The following NAALADL2 variants were observed in gnomAD, a reference collection of about 807,000 sequenced individuals.
The protein encoded by NAALADL2 is N-acetylated alpha-linked acidic dipeptidase like 2, also known as inactive N-acetylated-alpha-linked acidic dipeptidase-like protein 2.
Under a neutral mutation model 87.2 loss-of-function variants are expected in NAALADL2, and 76 were observed. The ratio of observed to expected loss-of-function variants is 0.87; its 90% CI spans 0.72 to 1.05. The LOEUF is 1.05. Ranked by LOEUF, NAALADL2 falls within the 50% of genes least tolerant of loss-of-function variation. The pLI is 0.00. For missense variants in NAALADL2, 1,089 were observed against 945.8 expected (o/e 1.15, Z -1.99); for synonymous variants, 354 against 331.0 (o/e 1.07, Z -0.75).
intron 1 of NAALADL2, among the ~76,000 whole-genome samples, chr3:175,011,688 CAAG>C (rs1175532085): frequency 6.6e-6 from 1 of 152,096 alleles, no homozygotes; most frequent in Admixed American, 6.6e-5. Flanking sequence ...TAGTTGTAGA[CAAG>C]AAGGTCCTAA....
intron 2 of NAALADL2, among the ~76,000 whole-genome samples, chr3:174,584,972 T>C (rs557075306): frequency 6.6e-6 from 1 of 152,308 alleles, no homozygotes; most frequent in South Asian, 2.1e-4. Context: ...CAGTCAGACA[T>C]GATAATGTAT....
At chr3:174,986,312 A>AAT (rs949679427) in intron 1 of NAALADL2, among the ~76,000 whole-genome samples, 11 of 148,090 alleles carry the variant, frequency 7.4e-5, no homozygotes, top group South Asian at 4.2e-4. Flanking sequence ...ATATATACAC[A>AAT]ATATATATAT....
chr3:175,314,809 T>C (rs1758930322), intron 4 of NAALADL2, among the ~76,000 whole-genome samples: 2 of 148,158 alleles, frequency 1.3e-5, no homozygotes, highest in Non-Finnish European at 3.0e-5. Flanking sequence ...ATCCATGTAA[T>C]ACACTTGTAC....
intron 3 of NAALADL2, among the ~76,000 whole-genome samples, chr3:174,839,389 C>G (rs557408339): frequency 1.3e-5 from 2 of 152,084 alleles, no homozygotes; most frequent in Non-Finnish European, 1.5e-5. Flanking sequence ...ACTATAAACA[C>G]TCTAGAAGAA....
At chr3:175,238,766 T>C (rs1195968563) in intron 3 of NAALADL2, among the ~76,000 whole-genome samples, 2 of 152,224 alleles carry the variant, frequency 1.3e-5, no homozygotes, top group Non-Finnish European at 2.9e-5. Context: ...AATCATTCCC[T>C]AATTCAAATC....
intron 5 of NAALADL2, among the ~76,000 whole-genome samples, chr3:175,404,700 G>A (rs1320710632): frequency 1.3e-5 from 2 of 152,066 alleles, no homozygotes; most frequent in African/African-American, 4.8e-5. Flanking sequence ...CCCTGCTTTT[G>A]TAAACTGCTG....
intron 5 of NAALADL2, among the ~76,000 whole-genome samples, chr3:175,445,514 G>A (rs909372367): frequency 2.0e-5 from 3 of 152,022 alleles, no homozygotes; most frequent in African/African-American, 7.2e-5. Flanking sequence ...ATGTGTTGGA[G>A]TTTGTTTTTC....
chr3:175,512,908 T>A lies in NAALADL2; in HGVS notation c.1653+41150T>A, dbSNP rs541564869. Reference sequence around the variant, plus strand: ...CATTCTTTCAAATTCAGAGTTGAGCTGCTATTGTCTAGTTTTCAGAGAGTT... The same window carrying A: ...CATTCTTTCAAATTCAGAGTTGAGCAGCTATTGTCTAGTTTTCAGAGAGTT... On this transcript the variant is annotated intron_variant, in intron 9 of 13. Coordinates refer to ENST00000454872, the MANE Select transcript of NAALADL2 (RefSeq NM_207015.3). Among the ~76,000 whole-genome samples the A allele has an allele frequency of 2.0e-5, 3 of 152,340 alleles. No individual in the cohort carries two copies. The South Asian group carries it at 6.2e-4, about 32-fold the overall frequency.
chr3:174,593,232 A>G (rs1453126788), intron 2 of NAALADL2, among the ~76,000 whole-genome samples: 1 of 152,188 alleles, frequency 6.6e-6, no homozygotes, highest in African/African-American at 2.4e-5. Flanking sequence ...TACTATCAGC[A>G]TAAACTGTGT....
rs1755049730 is a variant in NAALADL2 at position 175,810,039 on chromosome 3, G to T, written c.*6836G>T. 1 of 152,000 alleles carries T rather than the reference G, an allele frequency of 6.6e-6. No individual in the cohort carries two copies. The highest frequency in any genetic ancestry group is 2.4e-5 in the African/African-American group (1 of 41,410). 9.4% of individuals were successfully genotyped at this position (152,000 alleles called of 1,614,324 possible). ...TGTGGTGTTTAGCCTTGTTCAAAAT[G>T]ATTTGATTATCATCTGGATTCAGAA... On this transcript the variant is annotated 3_prime_UTR_variant, in exon 14 of 14. Transcript: ENST00000454872.
chr3:175,268,298 C>T (rs995666401), intron 4 of NAALADL2, among the ~76,000 whole-genome samples: 9 of 152,160 alleles, frequency 5.9e-5, no homozygotes, highest in African/African-American at 2.2e-4. Context: ...CTAAACATCT[C>T]TAAACATAGA....
intron 2 of NAALADL2, among the ~76,000 whole-genome samples, chr3:175,167,815 TG>T (rs1734207451): frequency 6.6e-6 from 1 of 152,088 alleles, no homozygotes; most frequent in Non-Finnish European, 1.5e-5. Flanking sequence ...TTGCCCAAAG[TG>T]GAGCCTCCTT....
chr3:175,804,201 A>G lies in NAALADL2; in HGVS notation c.*998A>G, dbSNP rs1754502605. On this transcript the variant is annotated 3_prime_UTR_variant, in exon 14 of 14. Transcript: ENST00000454872. ...AATTTCTATTTCTGCCTCTGACAAA[A>G]AGAACTTACTATGAAAGAAATAGTT... The G allele has an allele frequency of 6.6e-6, 1 of 151,620 alleles. No homozygotes were observed. Among genetic ancestry groups the G allele is most frequent in the South Asian group, 2.1e-4 (1 of 4,810 alleles). 9.4% of individuals were successfully genotyped at this position (151,620 alleles called of 1,614,324 possible). A position where few individuals can be genotyped will look rare whatever the true frequency, so the allele number is the denominator to read the frequency against.
At chr3:174,717,892 G>A (rs922669098) in intron 2 of NAALADL2, among the ~76,000 whole-genome samples, 5 of 152,118 alleles carry the variant, frequency 3.3e-5, no homozygotes, top group Non-Finnish European at 7.4e-5. Flanking sequence ...TTGGGAGGCT[G>A]AGGCGGGCAG....
At chr3:174,854,835 C>CTTTTTTT (rs68116968), upstream of NAALADL2, among the ~76,000 whole-genome samples, 62 of 111,966 alleles carry the variant, frequency 5.5e-4, no homozygotes, top group East Asian at 7.8e-4. Flanking sequence ...GCTTTTTTTT[C>CTTTTTTT]TTTTTTTTTT....
intron 11 of NAALADL2, among the ~76,000 whole-genome samples, chr3:175,707,277 G>A (rs1235125610): frequency 2.0e-5 from 3 of 152,068 alleles, no homozygotes; most frequent in Admixed American, 2.0e-4. Context: ...AGACATAGCT[G>A]TATTCCAATA....
At chr3:175,108,213 CT>C (rs1447727563) in intron 2 of NAALADL2, among the ~76,000 whole-genome samples, 4 of 151,884 alleles carry the variant, frequency 2.6e-5, no homozygotes, top group Admixed American at 6.6e-5. Flanking sequence ...CCCTGTGGAA[CT>C]TTTTTATTAT....
chr3:175,533,842 G>A (rs888645581), intron 9 of NAALADL2, among the ~76,000 whole-genome samples: 1 of 152,046 alleles, frequency 6.6e-6, no homozygotes, highest in Non-Finnish European at 1.5e-5. Context: ...ATCTGCTTCT[G>A]AAGCCAGGAG....
intron 2 of NAALADL2, among the ~76,000 whole-genome samples, chr3:175,169,259 G>C (rs1021810157): frequency 6.6e-6 from 1 of 151,512 alleles, no homozygotes; most frequent in Non-Finnish European, 1.5e-5. Flanking sequence ...TTTTGGATTA[G>C]TTATACCAAT....
Sources: allele counts gnomAD v4.1 joint callset (sites outside exome capture counted in the v4.1 genomes callset), GRCh38; gene constraint gnomAD v4.1.1; transcripts MANE v1.5; gene names NCBI Gene and HGNC (gene_info 2026-07-23, HGNC 2026-07-21).